Variants in THSD4 observed in about 807,000 individuals in gnomAD.
The protein encoded by THSD4 is thrombospondin type 1 domain containing 4, also known as thrombospondin type-1 domain-containing protein 4.
A neutral mutation model predicts 119.0 loss-of-function variants in THSD4; 69 were observed. That is an observed-to-expected ratio of 0.58 (90% confidence interval 0.48 to 0.71). The LOEUF (loss-of-function observed/expected upper bound fraction) is 0.71. Ranked by LOEUF, THSD4 falls within the 30% of genes least tolerant of loss-of-function variation. The probability of loss-of-function intolerance (pLI) is 0.00; values close to 1 mark genes in which losing one functional copy is unlikely to be tolerated. For missense variants in THSD4, 1,393 were observed against 1,391.1 expected (o/e 1.00, Z -0.02); for synonymous variants, 524 against 540.4 (o/e 0.97, Z 0.42).
chr15:71,391,379 A>T (rs1248847292), intron 6 of THSD4, among the ~76,000 whole-genome samples: 1 of 152,050 alleles, frequency 6.6e-6, no homozygotes, highest in Non-Finnish European at 1.5e-5. Flanking sequence ...GGGTCTTGCT[A>T]TGTTGCCAGG....
rs2053957356 is a variant in THSD4, at chr15:71,778,830, G to T, written c.*1456G>T. The T allele has an allele frequency of 6.6e-6, 1 of 152,314 alleles. No homozygotes were observed. Among genetic ancestry groups the T allele is most frequent in the African/African-American group, 2.4e-5 (1 of 41,476 alleles). 9.4% of individuals were successfully genotyped at this position (152,314 alleles called of 1,614,324 possible). ...TCCAGTTCCAGAGGCCGCAGGCCTG[G>T]AAGGATGCAGTGCATATTGAAAGGT... is the stretch of plus-strand genomic sequence containing the variant. On this transcript the variant is annotated 3_prime_UTR_variant, in exon 18 of 18. Coordinates refer to ENST00000261862, the MANE Select transcript of THSD4 (RefSeq NM_024817.3).
At chr15:71,648,696 G>T (rs2051021390) in intron 7 of THSD4, among the ~76,000 whole-genome samples, 3 of 152,172 alleles carry the variant, frequency 2.0e-5, no homozygotes, top group African/African-American at 7.2e-5. Flanking sequence ...AAGAAAGGGG[G>T]GTTTTGGTGG....
intron 17 of THSD4, among the ~76,000 whole-genome samples, chr15:71,775,679 C>G (rs1487807466): frequency 6.6e-6 from 1 of 152,030 alleles, no homozygotes; most frequent in African/African-American, 2.4e-5. Flanking sequence ...CCACTGTATT[C>G]CAGCCTGGGT....
intron 6 of THSD4, among the ~76,000 whole-genome samples, chr15:71,350,141 T>TAAAAAAAAAA (rs3086680): frequency 1.8e-5 from 2 of 111,176 alleles, no homozygotes. Context: ...TGCAAATTAC[T>TAAAAAAAAAA]AAAAAAAAAA....
intron 6 of THSD4, among the ~76,000 whole-genome samples, chr15:71,302,705 A>G (rs934139320): frequency 6.6e-6 from 1 of 152,078 alleles, no homozygotes; most frequent in African/African-American, 2.4e-5. Context: ...TGGGGCCAGC[A>G]GGAAGTCCGC....
chr15:71,361,525 G>A (rs1408230084), intron 6 of THSD4, among the ~76,000 whole-genome samples: 2 of 152,142 alleles, frequency 1.3e-5, no homozygotes, highest in Non-Finnish European at 2.9e-5. Context: ...TTGAAGATAT[G>A]GGCTTCCTCA....
intron 7 of THSD4, among the ~76,000 whole-genome samples, chr15:71,626,145 G>A (rs1232022791): frequency 1.3e-5 from 2 of 152,074 alleles, no homozygotes; most frequent in Admixed American, 6.5e-5. Context: ...TTTGTGGTTG[G>A]TTATTGTTGG....
chr15:71,538,765 G>C (rs1348262348), intron 7 of THSD4, among the ~76,000 whole-genome samples: 1 of 152,192 alleles, frequency 6.6e-6, no homozygotes, highest in Non-Finnish European at 1.5e-5. Context: ...CTGCCTTAGA[G>C]CAAATACTTG....
intron 6 of THSD4, among the ~76,000 whole-genome samples, chr15:71,365,131 T>TTTTGTGTG (rs147188266): frequency 1.3e-4 from 18 of 135,912 alleles, no homozygotes; most frequent in African/African-American, 4.6e-4. Flanking sequence ...GCCCCCCCCA[T>TTTTGTGTG]TGTGTGTGTG....
At chr15:71,114,717 A>T (rs2040339141), upstream of THSD4, among the ~76,000 whole-genome samples, 1 of 152,236 alleles carries the variant, frequency 6.6e-6, no homozygotes, top group Non-Finnish European at 1.5e-5. Context: ...GATTTTTATC[A>T]TTACTAATGA....
intron 7 of THSD4, among the ~76,000 whole-genome samples, chr15:71,607,092 A>T (rs2050124823): frequency 2.0e-5 from 3 of 152,230 alleles, no homozygotes; most frequent in Admixed American, 2.0e-4. Context: ...ACAAATGGAG[A>T]TACAGTATCA....
intron 7 of THSD4, among the ~76,000 whole-genome samples, chr15:71,435,841 A>T (rs2047006011): frequency 6.6e-6 from 1 of 152,220 alleles, no homozygotes; most frequent in Non-Finnish European, 1.5e-5. Flanking sequence ...CTAACCAGGC[A>T]ACAAAGATGG....
chr15:71,560,970 CTTTTTTT>C (rs11292320), intron 7 of THSD4, among the ~76,000 whole-genome samples: 24 of 123,988 alleles, frequency 1.9e-4, no homozygotes, highest in Non-Finnish European at 3.2e-4. Flanking sequence ...TTCTCTTTAT[CTTTTTTT>C]TTTTTTTTTT....
chr15:71,672,993 C>T (rs2051564018), intron 8 of THSD4, among the ~76,000 whole-genome samples: 1 of 152,162 alleles, frequency 6.6e-6, no homozygotes, highest in South Asian at 2.1e-4. Context: ...CAGAATGATG[C>T]TGGCCTCATA....
chr15:71,143,361 A>T (rs1262120113), intron 2 of THSD4, among the ~76,000 whole-genome samples: 1 of 152,174 alleles, frequency 6.6e-6, no homozygotes, highest in Non-Finnish European at 1.5e-5. Flanking sequence ...AAATACTGTT[A>T]TAAAACTATA....
At chr15:71,618,132 G>A (rs2050352098) in intron 7 of THSD4, among the ~76,000 whole-genome samples, 2 of 152,216 alleles carry the variant, frequency 1.3e-5, no homozygotes, top group Non-Finnish European at 2.9e-5. Flanking sequence ...AGAAAAGTAT[G>A]ATGCTCTTTG....
chr15:71,587,172 G>A (rs2140862377), intron 7 of THSD4, among the ~76,000 whole-genome samples: 1 of 135,730 alleles, frequency 7.4e-6, no homozygotes, highest in African/African-American at 2.7e-5. Flanking sequence ...TACACTGTTG[G>A]TGGGACTGTA....
At position 71,285,853 on chromosome 15, in the gene THSD4, CAAAAAAAAAAAAAAA is replaced by C. The variant is rs11421766; in HGVS notation, c.1015+29156_1015+29170del. Among the ~76,000 whole-genome samples the C allele has an allele frequency of 7.1e-4, 48 of 67,394 alleles. 1 individual carries two copies. In the South Asian group the frequency reaches 0.026, roughly 37 times the overall value. 44.2% of individuals were successfully genotyped at this position (67,394 alleles called of 152,430 possible). On this transcript the variant is annotated intron_variant, in intron 6 of 17. Transcript: ENST00000261862. ...TGGGTGACAGAGCGAGACTCCGTCT[CAAAAAAAAAAAAAAA>C]AAAAAAAAAAAAAAAAATTCTAGTG...
chr15:71,669,170 T>A (rs755294719), intron 8 of THSD4, among the ~76,000 whole-genome samples: 4 of 152,336 alleles, frequency 2.6e-5, no homozygotes, highest in Middle Eastern at 6.8e-3. Flanking sequence ...AAACTAAATA[T>A]TATAAGTGTA....
Sources: gnomAD v4.1 joint callset for allele counts (sites outside exome capture counted in the v4.1 genomes callset) on GRCh38, gnomAD v4.1.1 for gene constraint, MANE v1.5 for transcripts, NCBI Gene and HGNC (gene_info 2026-07-23, HGNC 2026-07-21) for gene names.